Variants in LRRC18 observed in about 807,000 individuals in gnomAD.
LRRC18 encodes the protein leucine rich repeat containing 18.
A neutral mutation model predicts 11.2 loss-of-function variants in LRRC18; 12 were observed. The ratio of observed to expected loss-of-function variants is 1.07; its 90% CI spans 0.69 to 1.74. LRRC18 has a LOEUF of 1.74. Among genes scored for constraint, LRRC18 ranks in the 40% most tolerant of loss-of-function variants. The pLI is 0.00. For missense variants in LRRC18, 374 were observed against 330.5 expected, an observed-to-expected ratio of 1.13 and a Z score of -1.02; for synonymous variants, 155 against 130.6, an observed-to-expected ratio of 1.19 and a Z score of -1.27.
the LRRC18 span, among the ~76,000 whole-genome samples, chr10:48,938,335 T>C: frequency 1.3e-5 from 2 of 152,314 alleles, no homozygotes; most frequent in Admixed American, 6.5e-5. Context: ...TAGTGCCAGG[T>C]GAAGAAGAGG....
chr10:48,919,941 C>T, the LRRC18 span, among the ~76,000 whole-genome samples: 1 of 152,062 alleles, frequency 6.6e-6, no homozygotes, highest in Non-Finnish European at 1.5e-5. Flanking sequence ...TAAAATCACA[C>T]AAAGACATAT....
chr10:48,924,735 T>C, the LRRC18 span, among the ~76,000 whole-genome samples: 11 of 152,336 alleles, frequency 7.2e-5, no homozygotes, highest in East Asian at 1.7e-3. Context: ...CCCATGGATA[T>C]CTAAATTAAA....
At chr10:48,929,025 T>C in the LRRC18 span, among the ~76,000 whole-genome samples, 4 of 152,066 alleles carry the variant, frequency 2.6e-5, no homozygotes, top group Non-Finnish European at 5.9e-5. Flanking sequence ...AGAGTCAGGA[T>C]AGAGACATAG....
chr10:48,918,770 C>T (rs1246240216), upstream of LRRC18, among the ~76,000 whole-genome samples: 4 of 152,112 alleles, frequency 2.6e-5, no homozygotes, highest in Non-Finnish European at 4.4e-5. Context: ...GGTGACAGGG[C>T]TTGGGGGAAG....
At chr10:48,934,499 G>A in the LRRC18 span, among the ~76,000 whole-genome samples, 1 of 152,192 alleles carries the variant, frequency 6.6e-6, no homozygotes. Flanking sequence ...CATTATACCT[G>A]TCATAAAAGT....
At chr10:48,927,618 C>G in the LRRC18 span, among the ~76,000 whole-genome samples, 1 of 152,114 alleles carries the variant, frequency 6.6e-6, no homozygotes, top group Non-Finnish European at 1.5e-5. Context: ...TTTGTCTGCC[C>G]CTAGTATTAT....
At chr10:48,931,070 C>T in the LRRC18 span, among the ~76,000 whole-genome samples, 2 of 143,828 alleles carry the variant, frequency 1.4e-5, no homozygotes, top group African/African-American at 5.1e-5. Flanking sequence ...AAGGTACAAA[C>T]ACACATGCAT....
chr10:48,939,149 C>A, the LRRC18 span, among the ~76,000 whole-genome samples: 1 of 152,220 alleles, frequency 6.6e-6, no homozygotes, highest in East Asian at 1.9e-4. Flanking sequence ...TAAGGTCACT[C>A]AGAGGGGGAC....
the LRRC18 span, among the ~76,000 whole-genome samples, chr10:48,924,594 G>GGTAC: frequency 2.6e-5 from 4 of 152,080 alleles, no homozygotes; most frequent in Non-Finnish European, 4.4e-5. Flanking sequence ...GGTTTCTAAA[G>GGTAC]GTACTGTGTC....
chr10:48,911,916 G>A (rs1334402934), intron 1 of LRRC18, among the ~76,000 whole-genome samples: 1 of 152,204 alleles, frequency 6.6e-6, no homozygotes, highest in Admixed American at 6.5e-5. Flanking sequence ...GCAGCAAGGG[G>A]TGAAGAAATG....
chr10:48,914,292 C>T (rs574714433), upstream of LRRC18: 31 of 895,728 alleles, frequency 3.5e-5, no homozygotes, highest in East Asian at 5.2e-5. Context: ...GGCTCCCCCA[C>T]GTCATGACGC....
At chr10:48,927,645 C>T in the LRRC18 span, among the ~76,000 whole-genome samples, 9 of 152,196 alleles carry the variant, frequency 5.9e-5, no homozygotes, top group Non-Finnish European at 8.8e-5. Flanking sequence ...CTCTATCCTT[C>T]GCACCAGCGT....
At chr10:48,935,751 G>A in the LRRC18 span, among the ~76,000 whole-genome samples, 1 of 152,116 alleles carries the variant, frequency 6.6e-6, no homozygotes, top group Non-Finnish European at 1.5e-5. Context: ...TCTCTTACTT[G>A]ATTGTATGTC....
chr10:48,922,707 C>G, the LRRC18 span, among the ~76,000 whole-genome samples: 1 of 152,156 alleles, frequency 6.6e-6, no homozygotes, highest in Admixed American at 6.5e-5. Context: ...TAATGGAATA[C>G]TACTAAACAC....
the LRRC18 span, among the ~76,000 whole-genome samples, chr10:48,919,900 G>T: frequency 0.85 from 129,974 of 152,142 alleles, 58,294 homozygotes; most frequent in East Asian, 1. Context: ...GATTCTCAAC[G>T]TATTTTCTGA....
At chr10:48,939,615 T>G in the LRRC18 span, among the ~76,000 whole-genome samples, 1 of 152,250 alleles carries the variant, frequency 6.6e-6, no homozygotes, top group African/African-American at 2.4e-5. Context: ...TGCGGTTTAT[T>G]AACTTTTAAA....
At chr10:48,915,796 G>A (rs1358148012), upstream of LRRC18, among the ~76,000 whole-genome samples, 1 of 152,142 alleles carries the variant, frequency 6.6e-6, no homozygotes, top group Non-Finnish European at 1.5e-5. Context: ...ACCAATGACA[G>A]TTCTTAGCTC....
chr10:48,916,247 T>C (rs1457243538), upstream of LRRC18, among the ~76,000 whole-genome samples: 1 of 152,146 alleles, frequency 6.6e-6, no homozygotes, highest in Non-Finnish European at 1.5e-5. Flanking sequence ...CACAAAACTT[T>C]GCACCAGATG....
exon 2 of LRRC18, chr10:48,910,191 T>TGTG: frequency 1.3e-6 from 2 of 1,507,198 alleles, no homozygotes; most frequent in East Asian, 2.3e-5. Context: ...TTCAGAGTCG[T>TGTG]TTATTCTGTT....
Sources: gnomAD v4.1 joint callset for allele counts (sites outside exome capture counted in the v4.1 genomes callset) on GRCh38, gnomAD v4.1.1 for gene constraint, MANE v1.5 for transcripts, NCBI Gene and HGNC (gene_info 2026-07-23, HGNC 2026-07-21) for gene names.